PRKD3: variants seen among roughly 807,000 people sequenced by gnomAD.
PRKD3 encodes the protein protein kinase D3.
PRKD3 carries 47 observed loss-of-function variants against 99.2 expected under a neutral mutation model. That is an observed-to-expected ratio of 0.47 (90% CI 0.38 to 0.60). The LOEUF (loss-of-function observed/expected upper bound fraction) is 0.60. PRKD3 is among the 20% of genes least tolerant of loss of function. PRKD3 has a pLI of 0.00. For missense variants in PRKD3, 1,019 were observed against 1,088.4 expected, an observed-to-expected ratio of 0.94 and a Z score of 0.90; for synonymous variants, 392 against 355.4, an observed-to-expected ratio of 1.10 and a Z score of -1.16.
chr2:37,289,547 T>TAA (rs772576601), intron 4 of PRKD3, 34 bp from the exon 5 acceptor site: 2 of 1,512,736 alleles, frequency 1.3e-6, no homozygotes, highest in African/African-American at 1.4e-5. Context: ...ATATAAGATT[T>TAA]AAAAAAAAAT....
chr2:37,260,170 A>G, intron 15 of PRKD3, 53 bp downstream of exon 15: 5 of 1,509,536 alleles, frequency 3.3e-6, no homozygotes, highest in Non-Finnish European at 4.5e-6. Context: ...GTCTTAAAAA[A>G]AAAAAAATTA....
At chr2:37,288,368 G>C (rs1186716331) in intron 5 of PRKD3, among the ~76,000 whole-genome samples, 1 of 152,056 alleles carries the variant, frequency 6.6e-6, no homozygotes, top group Non-Finnish European at 1.5e-5. Context: ...TCACACTAGG[G>C]CTAAGCAGTA....
intron 12 of PRKD3, 79 bp downstream of exon 12, chr2:37,272,301 T>G (rs538034959): frequency 1.3e-6 from 2 of 1,556,532 alleles, no homozygotes; most frequent in Non-Finnish European, 1.7e-6. Context: ...ATGAACCAAT[T>G]TCTCTAATAA....
intron 7 of PRKD3, among the ~76,000 whole-genome samples, chr2:37,281,167 G>C (rs1669840733): frequency 6.6e-6 from 1 of 152,046 alleles, no homozygotes. Flanking sequence ...GTAAAATGGT[G>C]CATTTCTTTG....
Position 37,287,376 on chromosome 2 carries a change from CTTTT to C in PRKD3, c.718-1011_718-1008del, listed in dbSNP as rs557974770. 5.3e-5 allele frequency among the ~76,000 whole-genome samples: 8 copies of C among 150,822 alleles called. No individual in the cohort carries two copies. The East Asian group carries it at 5.8e-4, about 11-fold the overall frequency. ...TGTCCTTTTCTTTTCCTTTTCTTCC[CTTTT>C]TTTTCTTTTTTCTCCTCCCCTTACT... is the stretch of plus-strand genomic sequence containing the variant. On this transcript the variant is annotated intron_variant, in intron 5 of 18. Transcript: ENST00000234179.
rs185216337 is a variant in PRKD3, at chr2:37,299,271, G to T, written c.289-6000C>A. ...GCTGAACCATCCTCATATTCTAGAA[G>T]AAAACAATGGGGAAACACTCCAGGA... On this transcript the variant is annotated intron_variant, in intron 2 of 18. Coordinates refer to ENST00000234179, the MANE Select transcript of PRKD3 (RefSeq NM_005813.6). Among the ~76,000 whole-genome samples the T allele has an allele frequency of 4.6e-3, 705 of 152,142 alleles. 2 individuals are homozygous for T. The highest frequency in any genetic ancestry group is 6.7e-3 in the Non-Finnish European group (453 of 68,000).
intron 1 of PRKD3, among the ~76,000 whole-genome samples, chr2:37,322,599 T>C (rs923453152): frequency 6.6e-6 from 1 of 152,218 alleles, no homozygotes; most frequent in Non-Finnish European, 1.5e-5. Context: ...GCACCAGTAG[T>C]AGCTAAGAAA....
At chr2:37,261,284 C>T (rs1469708084) in intron 14 of PRKD3, among the ~76,000 whole-genome samples, 3 of 151,388 alleles carry the variant, frequency 2.0e-5, no homozygotes, top group African/African-American at 7.3e-5. Flanking sequence ...GTCAGGAGTT[C>T]GAGACCAGCG....
chr2:37,323,052 G>C lies in PRKD3; in HGVS notation c.-656+1629C>G, dbSNP rs1010060350. Among the ~76,000 whole-genome samples the C allele has an allele frequency of 5.3e-5, 8 of 151,094 alleles. No individual in the cohort carries two copies. In the South Asian group the frequency reaches 6.3e-4, roughly 12 times the overall value. ...CTATTCATATTTTTCTGTATGTGGT[G>C]TTTTCAATTCGTAATTTAAAAAAAT... On this transcript the variant is annotated intron_variant, in intron 1 of 18. Transcript: ENST00000234179.
chr2:37,307,200 T>A (rs1357594871), intron 2 of PRKD3, among the ~76,000 whole-genome samples: 1 of 152,216 alleles, frequency 6.6e-6, no homozygotes. Flanking sequence ...GAAAACAATT[T>A]AACTTGATCT....
intron 17 of PRKD3, 70 bp from the exon 18 acceptor site, chr2:37,254,359 G>C: frequency 1.7e-6 from 2 of 1,199,002 alleles, no homozygotes; most frequent in Non-Finnish European, 2.5e-6. Context: ...TGACTGCCTA[G>C]AAGGCAGTTC....
At chr2:37,253,436 T>C in intron 18 of PRKD3, 86 bp from the exon 19 acceptor site, 2 of 1,158,462 alleles carry the variant, frequency 1.7e-6, no homozygotes, top group Non-Finnish European at 2.4e-6. Context: ...TTTTTGTTGT[T>C]GTTTAGTGCC....
At chr2:37,294,164 A>G (rs1670571390) in intron 2 of PRKD3, among the ~76,000 whole-genome samples, 1 of 152,292 alleles carries the variant, frequency 6.6e-6, no homozygotes, top group South Asian at 2.1e-4. Context: ...GTGTGATCAC[A>G]GTTCAACACT....
At chr2:37,263,321 AATTT>A (rs1339627595) in intron 14 of PRKD3, among the ~76,000 whole-genome samples, 6 of 152,274 alleles carry the variant, frequency 3.9e-5, no homozygotes, top group East Asian at 1.9e-4. Context: ...CTGATTTTGT[AATTT>A]ATTTCTGCTT....
intron 7 of PRKD3, among the ~76,000 whole-genome samples, chr2:37,282,072 C>A (rs899678681): frequency 6.6e-6 from 1 of 152,206 alleles, no homozygotes; most frequent in Admixed American, 6.5e-5. Context: ...CTGCCACCTA[C>A]TGGCTATATT....
chr2:37,289,100 G>A (rs1160312987), intron 5 of PRKD3, among the ~76,000 whole-genome samples: 1 of 148,504 alleles, frequency 6.7e-6, no homozygotes, highest in Non-Finnish European at 1.5e-5. Flanking sequence ...AAAGATTTAA[G>A]TATGGAGACC....
At chr2:37,320,047 G>A (rs2124909247) in intron 1 of PRKD3, among the ~76,000 whole-genome samples, 1 of 152,300 alleles carries the variant, frequency 6.6e-6, no homozygotes, top group East Asian at 1.9e-4. Flanking sequence ...GCAATTAGTT[G>A]AAGGAATTAA....
chr2:37,317,513 AG>A, intron 1 of PRKD3, among the ~76,000 whole-genome samples: 1 of 152,222 alleles, frequency 6.6e-6, no homozygotes, highest in South Asian at 2.1e-4. Context: ...CAAAAACAGA[AG>A]GGACAAAAAA....
intron 12 of PRKD3, among the ~76,000 whole-genome samples, chr2:37,271,160 AAT>A (rs1572641263): frequency 6.6e-6 from 1 of 152,206 alleles, no homozygotes; most frequent in South Asian, 2.1e-4. Flanking sequence ...CAAGTAGAAA[AAT>A]AGAGATTTTA....
Sources: gnomAD v4.1 joint callset for allele counts (sites outside exome capture counted in the v4.1 genomes callset) on GRCh38, gnomAD v4.1.1 for gene constraint, MANE v1.5 for transcripts, NCBI Gene and HGNC (gene_info 2026-07-23, HGNC 2026-07-21) for gene names.